RANBP2: variants seen among roughly 807,000 people sequenced by gnomAD.
RANBP2 encodes the protein E3 SUMO-protein ligase RanBP2.
Under a neutral mutation model 303.6 loss-of-function variants are expected in RANBP2, and 57 were observed. The observed-to-expected ratio is 0.19, with a 90% CI of 0.15 to 0.23. RANBP2 has a LOEUF of 0.23. Among genes scored for constraint, RANBP2 ranks in the 10% least tolerant of loss-of-function variants. RANBP2 has a pLI of 1.00. For synonymous variants in RANBP2, 1,167 were observed against 1,301.5 expected, an observed-to-expected ratio of 0.90 and a Z score of 2.23; for missense variants, 3,138 against 3,780.8, an observed-to-expected ratio of 0.83 and a Z score of 4.46.
the RANBP2 span, among the ~76,000 whole-genome samples, chr2:108,805,517 A>C: frequency 6.6e-6 from 1 of 151,826 alleles, no homozygotes. Flanking sequence ...CGAGGTCAGG[A>C]GTTCGAGACC....
the RANBP2 span, among the ~76,000 whole-genome samples, chr2:109,701,550 C>T: frequency 3.9e-5 from 6 of 152,082 alleles, no homozygotes; most frequent in Non-Finnish European, 8.8e-5. Flanking sequence ...CCACTGAATA[C>T]GCAATTTAGT....
chr2:109,587,757 C>CA, the RANBP2 span, among the ~76,000 whole-genome samples: 1 of 151,816 alleles, frequency 6.6e-6, no homozygotes, highest in Admixed American at 6.6e-5. Flanking sequence ...ACTAAAAATA[C>CA]AAAAAATTAG....
At chr2:109,482,485 T>G in the RANBP2 span, among the ~76,000 whole-genome samples, 1 of 152,150 alleles carries the variant, frequency 6.6e-6, no homozygotes, top group East Asian at 1.9e-4. Context: ...TTCTTGAAGT[T>G]CCTCAGGGAG....
chr2:109,074,297 G>T, the RANBP2 span, among the ~76,000 whole-genome samples: 1 of 150,418 alleles, frequency 6.6e-6, no homozygotes, highest in African/African-American at 2.4e-5. Context: ...GAACCTGGGA[G>T]GCAGAGGTTG....
At chr2:109,377,077 A>G in the RANBP2 span, among the ~76,000 whole-genome samples, 4,910 of 152,314 alleles carry the variant, frequency 0.032, 189 homozygotes, top group African/African-American at 0.085. Flanking sequence ...GGCTGAAAAA[A>G]TAGGTGCCTT....
At chr2:109,028,286 A>G in the RANBP2 span, among the ~76,000 whole-genome samples, 1 of 152,286 alleles carries the variant, frequency 6.6e-6, no homozygotes, top group South Asian at 2.1e-4. Context: ...AAATAAATAA[A>G]ATAAAAACAT....
At chr2:108,812,974 G>T in the RANBP2 span, 1 of 1,544,984 alleles carries the variant, frequency 6.5e-7, no homozygotes, top group Non-Finnish European at 8.9e-7. Flanking sequence ...TCTCGGCTGG[G>T]TACGGTGGCT....
chr2:108,846,838 A>C, the RANBP2 span: 2 of 1,613,352 alleles, frequency 1.2e-6, no homozygotes, highest in African/African-American at 2.7e-5. Context: ...CATTCTGTGG[A>C]GAATAAACCA....
chr2:108,865,347 A>G, the RANBP2 span, among the ~76,000 whole-genome samples: 1 of 152,134 alleles, frequency 6.6e-6, no homozygotes, highest in Non-Finnish European at 1.5e-5. Context: ...CTTATTTGGT[A>G]GTAGTGATTT....
the RANBP2 span, among the ~76,000 whole-genome samples, chr2:109,680,842 T>C: frequency 6.6e-6 from 1 of 152,182 alleles, no homozygotes; most frequent in African/African-American, 2.4e-5. Flanking sequence ...GCACCCAGTG[T>C]TGGCAAGGAC....
the RANBP2 span, among the ~76,000 whole-genome samples, chr2:109,555,638 T>C: frequency 6.6e-6 from 1 of 152,214 alleles, no homozygotes; most frequent in Non-Finnish European, 1.5e-5. Flanking sequence ...CAGGCACAAG[T>C]GTTTCTTGTG....
intron 9 of RANBP2, among the ~76,000 whole-genome samples, chr2:108,749,349 G>A (rs1573761088): frequency 6.6e-6 from 1 of 152,240 alleles, no homozygotes; most frequent in East Asian, 1.9e-4. Context: ...CCATGCTGGA[G>A]TGCAGTGGTG....
At chr2:109,306,154 G>A in the RANBP2 span, among the ~76,000 whole-genome samples, 17 of 152,174 alleles carry the variant, frequency 1.1e-4, no homozygotes, top group Non-Finnish European at 2.2e-4. Context: ...TTGTCAACAC[G>A]TCGCTTATAG....
At chr2:109,207,470 A>T in the RANBP2 span, among the ~76,000 whole-genome samples, 1 of 152,202 alleles carries the variant, frequency 6.6e-6, no homozygotes, top group South Asian at 2.1e-4. Context: ...TTATATATGT[A>T]ATAATGTTAT....
the RANBP2 span, among the ~76,000 whole-genome samples, chr2:109,179,893 C>G: frequency 3.2e-4 from 49 of 152,128 alleles, no homozygotes; most frequent in African/African-American, 1.2e-3. Context: ...CAGGAAAATA[C>G]AGGGGTCAAA....
the RANBP2 span, among the ~76,000 whole-genome samples, chr2:109,362,846 C>G: frequency 4.6e-5 from 7 of 152,104 alleles, no homozygotes; most frequent in Non-Finnish European, 1.0e-4. Flanking sequence ...GATAACTTTT[C>G]TCACTCTGAA....
the RANBP2 span, among the ~76,000 whole-genome samples, chr2:108,800,818 C>A: frequency 5.5e-4 from 65 of 117,210 alleles, no homozygotes; most frequent in African/African-American, 1.9e-3. Context: ...TGATATTCCC[C>A]TTCCTGTGTC....
chr2:109,272,193 C>G, the RANBP2 span, among the ~76,000 whole-genome samples: 2 of 152,346 alleles, frequency 1.3e-5, no homozygotes, highest in South Asian at 4.1e-4. Flanking sequence ...CCCCACAGCC[C>G]TCTGCAATGA....
chr2:109,032,938 T>C, the RANBP2 span, among the ~76,000 whole-genome samples: 7,439 of 152,326 alleles, frequency 0.049, 304 homozygotes, highest in East Asian at 0.11. Flanking sequence ...TTTCCCTGGA[T>C]TTTCAAAGAG....
Sources: allele counts gnomAD v4.1 joint callset (sites outside exome capture counted in the v4.1 genomes callset), GRCh38; gene constraint gnomAD v4.1.1; transcripts MANE v1.5; gene names NCBI Gene and HGNC (gene_info 2026-07-23, HGNC 2026-07-21).